GOLGA4: variants seen among roughly 807,000 people sequenced by gnomAD.
GOLGA4 encodes the protein golgin subfamily A member 4.
Under a neutral mutation model 265.9 loss-of-function variants are expected in GOLGA4, and 169 were observed. The ratio of observed to expected loss-of-function variants is 0.64; its 90% CI spans 0.56 to 0.72. The LOEUF (loss-of-function observed/expected upper bound fraction) is 0.72, where lower values mean the gene tolerates loss of function less well. GOLGA4 is among the 30% of genes least tolerant of loss of function. GOLGA4 has a pLI of 0.00. For synonymous variants in GOLGA4, 923 were observed against 855.8 expected, an observed-to-expected ratio of 1.08 and a Z score of -1.37; for missense variants, 2,482 against 2,483.4, an observed-to-expected ratio of 1.00 and a Z score of 0.01.
At chr3:37,330,413 C>T (rs1464389949) in intron 16 of GOLGA4, among the ~76,000 whole-genome samples, 1 of 152,050 alleles carries the variant, frequency 6.6e-6, no homozygotes, top group Non-Finnish European at 1.5e-5. Flanking sequence ...TAAATTGTGC[C>T]ATAGCTCTAG....
intron 20 of GOLGA4, among the ~76,000 whole-genome samples, chr3:37,344,155 G>A (rs1214907399): frequency 6.6e-6 from 1 of 152,250 alleles, no homozygotes; most frequent in Non-Finnish European, 1.5e-5. Context: ...AGGCTGGAGT[G>A]TAGTGGCGTA....
chr3:37,340,550 A>G lies in GOLGA4; in HGVS notation c.6472+351A>G, dbSNP rs535459556. Among the ~76,000 whole-genome samples the G allele has an allele frequency of 7.2e-5, 11 of 152,280 alleles. No individual in the cohort carries two copies. In the East Asian group the frequency reaches 1.9e-3, roughly 27 times the overall value. On this transcript the variant is annotated intron_variant, in intron 20 of 23. Transcript: ENST00000361924. The stretch of plus-strand genomic sequence containing the variant: ...TAACTGTAGTCAACCGTATTTTACA[A>G]TAGATCTCTTGAACTTATTCTTCCT...
Position 37,366,409 on chromosome 3 carries a change from T to C in GOLGA4, c.*363T>C. The C allele has an allele frequency of 3.3e-6, 1 of 300,500 alleles. No individual in the cohort carries two copies. The highest frequency in any genetic ancestry group is 6.1e-6 in the Non-Finnish European group (1 of 165,262). The allele number at this position is 300,500 out of a possible 1,614,324, so 18.6% of individuals were successfully genotyped here. The stretch of plus-strand genomic sequence containing the variant: ...TTTTTAAAGAACGGCTTACCTTTCC[T>C]ATTTATTTTTAGGGTGATTTTTTAA... On this transcript the variant is annotated 3_prime_UTR_variant, in exon 24 of 24. Coordinates refer to ENST00000361924, the MANE Select transcript of GOLGA4 (RefSeq NM_002078.5).
At chr3:37,300,478 T>C (rs891505637) in intron 9 of GOLGA4, among the ~76,000 whole-genome samples, 5 of 151,662 alleles carry the variant, frequency 3.3e-5, no homozygotes, top group African/African-American at 1.2e-4. Flanking sequence ...GAGGGCCTAC[T>C]TAAATTGTTT....
At chr3:37,358,702 C>A (rs80073233) in intron 22 of GOLGA4, among the ~76,000 whole-genome samples, 4,354 of 152,044 alleles carry the variant, frequency 0.029, 163 homozygotes, top group African/African-American at 0.086. Flanking sequence ...CTAGTCTTTT[C>A]TGGAAAAAGA....
At chr3:37,323,354 C>T (rs2096960693) in intron 13 of GOLGA4, among the ~76,000 whole-genome samples, 1 of 152,036 alleles carries the variant, frequency 6.6e-6, no homozygotes, top group African/African-American at 2.4e-5. Flanking sequence ...GTCTCAAACT[C>T]CCGGCTTCAA....
Position 37,324,020 on chromosome 3 carries a change from G to C in GOLGA4, c.2134G>C (p.Asp712His). 1 of 1,613,724 alleles carries C rather than the reference G, an allele frequency of 6.2e-7. No individual in the cohort carries two copies. ...AGAAGAGGAACTTTCTGTTCTGAAA[G>C]ATCAAACAGATAAAATGAAGCAGGA... is the stretch of plus-strand genomic sequence containing the variant. The part of the protein sequence containing the change: ...KLEEELSVLK[D>H]QTDKMKQELE... Residue 712 changes from aspartate (D) to histidine (H), a missense_variant, in exon 14 of 24, where the codon GAT (aspartate) becomes CAT (histidine). By Grantham distance (81) the Asp-to-His change is moderately conservative. Coordinates refer to ENST00000361924, the MANE Select transcript of GOLGA4 (RefSeq NM_002078.5).
At chr3:37,331,093 A>G (rs2096988703) in intron 16 of GOLGA4, among the ~76,000 whole-genome samples, 2 of 152,034 alleles carry the variant, frequency 1.3e-5, no homozygotes, top group Admixed American at 1.3e-4. Flanking sequence ...AAAGTTTTCT[A>G]GTAGCCACAT....
rs529694799 is a variant in GOLGA4 at position 37,340,202 on chromosome 3, A to G, written c.6472+3A>G. 4 of 1,209,654 alleles carry G rather than the reference A, an allele frequency of 3.3e-6. No homozygotes were observed. In the African/African-American group the frequency reaches 4.6e-5, roughly 14 times the overall value. 74.9% of individuals were successfully genotyped at this position (1,209,654 alleles called of 1,614,324 possible). ...AACTGTGGGGACACCTTACAAAGGT[A>G]AGGATGATCTCGTGTCATGTTATTA... On this transcript the variant is annotated splice_donor_region_variant and intron_variant, in intron 20 of 23. Coordinates refer to ENST00000361924, the MANE Select transcript of GOLGA4 (RefSeq NM_002078.5).
In GOLGA4 at chr3:37,281,994, C is replaced by T. The variant is rs778074913; in HGVS notation, c.199C>T (p.Leu67Phe). Residue 67 changes from leucine to phenylalanine, a missense_variant, in exon 3 of 24, where the codon CTC becomes TTC. Physicochemically the swap from Leu to Phe is conservative, Grantham distance 22. Transcript: ENST00000361924. ...DTQSFAQKLQ[L>F]RVPSVESLFR... ...ACAGTCTTTTGCACAGAAGCTCCAG[C>T]TCCGGGTGCCCTCCGTGGAGTCTTT... 1.9e-6 allele frequency: 3 copies of T among 1,613,974 alleles called. No individual in the cohort carries two copies. Among genetic ancestry groups the T allele is most frequent in the Middle Eastern group, 1.6e-4 (1 of 6,062 alleles).
chr3:37,289,145 T>G (rs1180019520), intron 4 of GOLGA4, 90 bp from the exon 5 acceptor site: 2 of 722,990 alleles, frequency 2.8e-6, no homozygotes, highest in Non-Finnish European at 4.7e-6. Context: ...GGTTGTAATA[T>G]TTTAAAAATA....
At chr3:37,343,977 C>T (rs2097047682) in intron 20 of GOLGA4, among the ~76,000 whole-genome samples, 2 of 152,200 alleles carry the variant, frequency 1.3e-5, no homozygotes, top group South Asian at 4.1e-4. Context: ...TAAAATTCCA[C>T]CATTTCTTGT....
intron 21 of GOLGA4, among the ~76,000 whole-genome samples, chr3:37,348,302 T>C (rs1221150692): frequency 6.6e-6 from 1 of 152,188 alleles, no homozygotes; most frequent in Non-Finnish European, 1.5e-5. Context: ...GAATCCTTAA[T>C]ATCTGTAGAA....
intron 9 of GOLGA4, among the ~76,000 whole-genome samples, chr3:37,300,242 A>AT (rs1267973042): frequency 2.0e-5 from 3 of 152,152 alleles, no homozygotes; most frequent in Non-Finnish European, 4.4e-5. Flanking sequence ...TCATGGGTAA[A>AT]CAGTTTTGAC....
intron 10 of GOLGA4, among the ~76,000 whole-genome samples, chr3:37,309,588 CAAAA>C (rs927651807): frequency 7.9e-5 from 12 of 152,014 alleles, no homozygotes; most frequent in Middle Eastern, 3.4e-3. Context: ...AAAAAACAAA[CAAAA>C]AAAACCAGTT....
intron 2 of GOLGA4, among the ~76,000 whole-genome samples, chr3:37,276,947 C>T: frequency 6.6e-6 from 1 of 152,080 alleles, no homozygotes; most frequent in Non-Finnish European, 1.5e-5. Flanking sequence ...AATTCTGTTA[C>T]TCTCTGTTAT....
Position 37,321,206 on chromosome 3 carries a change from C to G in GOLGA4, c.1546-525C>G, listed in dbSNP as rs1043089253. Among the ~76,000 whole-genome samples the G allele has an allele frequency of 5.3e-5, 8 of 152,286 alleles. No homozygotes were observed. The South Asian group carries it at 1.7e-3, about 32-fold the overall frequency. ...ATACATGAAAGGACAATCAGAGAAG[C>G]TTTTCAGGATTGATGGGGTGGTAGA... is the stretch of plus-strand genomic sequence containing the variant. On this transcript the variant is annotated intron_variant, in intron 12 of 23. Transcript: ENST00000361924.
At chr3:37,328,280 ACTCTCTCT>A (rs5847960) in intron 14 of GOLGA4, 128 bp from the exon 15 acceptor site, 48 of 685,558 alleles carry the variant, frequency 7.0e-5, no homozygotes, top group Middle Eastern at 2.8e-4. Context: ...TCACTCTCAC[ACTCTCTCT>A]CTCTCTCTCT....
intron 11 of GOLGA4, 108 bp downstream of exon 11, chr3:37,315,706 TGAC>T: frequency 1.0e-6 from 1 of 954,524 alleles, no homozygotes; most frequent in Non-Finnish European, 1.6e-6. Context: ...TTTTAGACAT[TGAC>T]TGTTTTCTGA....
Sources: gnomAD v4.1 joint callset for allele counts (sites outside exome capture counted in the v4.1 genomes callset) on GRCh38, gnomAD v4.1.1 for gene constraint, MANE v1.5 for transcripts, NCBI Gene and HGNC (gene_info 2026-07-23, HGNC 2026-07-21) for gene names.